Variants in S100A9 observed in about 807,000 individuals in gnomAD.
S100A9 encodes S100 calcium binding protein A9, also known as protein S100-A9.
S100A9 carries 2 observed loss-of-function variants against 4.3 expected under a neutral mutation model. That is an observed-to-expected ratio of 0.47 (90% confidence interval 0.19 to 1.48). S100A9 has a LOEUF of 1.48. Ranked by LOEUF, S100A9 falls within the 40% of genes most tolerant of loss-of-function variation. The pLI, the probability that S100A9 is intolerant of heterozygous loss-of-function variation, is 0.24. For missense variants in S100A9, 130 were observed against 144.4 expected (o/e 0.90, Z 0.51); for synonymous variants, 67 against 54.0 (o/e 1.24, Z -1.06).
chr1:153,360,759 C>A lies in S100A9; in HGVS notation c.266C>A (p.Ala89Asp), dbSNP rs1258707629. 1.9e-6 allele frequency: 3 copies of A among 1,614,102 alleles called. No homozygotes were observed. Among genetic ancestry groups the A allele is most frequent in the Non-Finnish European group, 2.5e-6 (3 of 1,179,964 alleles). ...FIMLMARLTW[A>D]SHEKMHEGDE... ...ATGCTGATGGCGAGGCTAACCTGGG[C>A]CTCCCACGAGAAGATGCACGAGGGT... The change falls in exon 3 of 3, where the codon GCC becomes GAC. Residue 89 changes from alanine to aspartate, a missense_variant. Ala to Asp is a moderately radical substitution (Grantham distance 126). Coordinates refer to ENST00000368738, the MANE Select transcript of S100A9 (RefSeq NM_002965.4).
intron 2 of S100A9, 73 bp downstream of exon 2, chr1:153,358,506 G>T (rs2916195): frequency 8.2e-7 from 1 of 1,222,584 alleles, no homozygotes; most frequent in Non-Finnish European, 1.1e-6. Flanking sequence ...TGGGAGTATG[G>T]GCTACAGCAA....
chr1:153,358,502 T>G, intron 2 of S100A9, 69 bp downstream of exon 2: 3 of 1,270,766 alleles, frequency 2.4e-6, no homozygotes, highest in Non-Finnish European at 3.2e-6. Context: ...AGGATGGGAG[T>G]ATGGGCTACA....
Position 153,360,702 on chromosome 1 carries a change from C to T in S100A9, c.209C>T (p.Ala70Val), listed in dbSNP as rs1261245097. The T allele has an allele frequency of 6.2e-7, 1 of 1,613,972 alleles. No homozygotes were observed. The highest frequency in any genetic ancestry group is 8.5e-7 in the Non-Finnish European group (1 of 1,179,864). The change falls in exon 3 of 3, where the codon GCA becomes GTA. Residue 70 changes from alanine (A) to valine (V), a missense_variant. Coordinates refer to ENST00000368738, the MANE Select transcript of S100A9 (RefSeq NM_002965.4). ...EHIMEDLDTN[A>V]DKQLSFEEFI... is the part of the protein sequence containing the mutation. Reference sequence around the variant, plus strand: ...ATCATGGAGGACCTGGACACAAATGCAGACAAGCAGCTGAGCTTCGAGGAG... The same window carrying T: ...ATCATGGAGGACCTGGACACAAATGTAGACAAGCAGCTGAGCTTCGAGGAG...
rs1335265922 is a variant in S100A9, at chr1:153,360,747, G to A, written c.254G>A (p.Arg85Lys). Residue 85 changes from arginine (R) to lysine (K), a missense_variant, in exon 3 of 3, where the codon AGG becomes AAG. Coordinates refer to ENST00000368738, the MANE Select transcript of S100A9 (RefSeq NM_002965.4). ...SFEEFIMLMARLTWASHEKMH... is the reference protein window; with the variant it reads ...SFEEFIMLMAKLTWASHEKMH... Reference sequence around the variant, plus strand: ...GAGGAGTTCATCATGCTGATGGCGAGGCTAACCTGGGCCTCCCACGAGAAG... The same window carrying A: ...GAGGAGTTCATCATGCTGATGGCGAAGCTAACCTGGGCCTCCCACGAGAAG... 6.2e-7 allele frequency: 1 copy of A among 1,614,170 alleles called. No individual in the cohort carries two copies. Among genetic ancestry groups the A allele is most frequent in the Non-Finnish European group, 8.5e-7 (1 of 1,180,000 alleles).
chr1:153,360,256 A>AT (rs1485046564), intron 2 of S100A9, among the ~76,000 whole-genome samples: 1 of 152,154 alleles, frequency 6.6e-6, no homozygotes, highest in Non-Finnish European at 1.5e-5. Flanking sequence ...GTGAAAACTA[A>AT]TGACCCTCTC....
chr1:153,360,859 C>A lies in S100A9; in HGVS notation c.*21C>A. 1 of 1,550,978 alleles carries A rather than the reference C, an allele frequency of 6.4e-7. No homozygotes were observed. The highest frequency in any genetic ancestry group is 8.8e-7 in the Non-Finnish European group (1 of 1,142,468). The stretch of plus-strand genomic sequence containing the variant: ...CCTAAGACCACAGTGGCCAAGATCA[C>A]AGTGGCCACGGCCACGGCCACAGTC... On this transcript the variant is annotated 3_prime_UTR_variant, in exon 3 of 3. Transcript: ENST00000368738.
At chr1:153,358,548 G>A (rs1016756026) in intron 2 of S100A9, 115 bp downstream of exon 2, 31 of 797,666 alleles carry the variant, frequency 3.9e-5, no homozygotes, top group Non-Finnish European at 5.1e-5. Flanking sequence ...CTGGAGCCCA[G>A]CCCCAAGACG....
intron 2 of S100A9, among the ~76,000 whole-genome samples, chr1:153,360,212 A>G (rs936506838): frequency 6.6e-6 from 1 of 152,202 alleles, no homozygotes; most frequent in Non-Finnish European, 1.5e-5. Flanking sequence ...CCTCTAAGTC[A>G]GATCTGAATT....
intron 2 of S100A9, 62 bp from the exon 3 acceptor site, chr1:153,360,582 G>A: frequency 9.0e-7 from 1 of 1,114,810 alleles, no homozygotes; most frequent in Middle Eastern, 2.0e-4. Context: ...GTCATTTACT[G>A]TGCTCCCAGT....
At chr1:153,359,259 C>T (rs900045354) in intron 2 of S100A9, among the ~76,000 whole-genome samples, 2 of 152,074 alleles carry the variant, frequency 1.3e-5, no homozygotes, top group Admixed American at 1.3e-4. Flanking sequence ...GGGTAGGTCC[C>T]CAGCCCTCCC....
chr1:153,359,492 T>C (rs1335663844), intron 2 of S100A9, among the ~76,000 whole-genome samples: 14 of 151,184 alleles, frequency 9.3e-5, no homozygotes, highest in Admixed American at 8.6e-4. Flanking sequence ...AAAGCGATGC[T>C]GTGGGAAAGG....
At chr1:153,358,512 A>G in intron 2 of S100A9, 79 bp downstream of exon 2, 1 of 1,182,552 alleles carries the variant, frequency 8.5e-7, no homozygotes. Flanking sequence ...TATGGGCTAC[A>G]GCAATCAAGG....
chr1:153,358,158 T>C, intron 1 of S100A9, 111 bp from the exon 2 acceptor site: 1 of 659,792 alleles, frequency 1.5e-6, no homozygotes, highest in Non-Finnish European at 2.5e-6. Flanking sequence ...TGTGCTTTCT[T>C]TTTATTTTGC....
At position 153,360,912 on chromosome 1, in the gene S100A9, C is replaced by CAGG; in HGVS notation, c.*78_*80dup. The CAGG allele has an allele frequency of 8.2e-7, 1 of 1,215,060 alleles. No homozygotes were observed. The highest frequency in any genetic ancestry group is 1.6e-5 in the South Asian group (1 of 64,286). 75.3% of individuals were successfully genotyped at this position (1,215,060 alleles called of 1,614,324 possible). On this transcript the variant is annotated 3_prime_UTR_variant, in exon 3 of 3. Coordinates refer to ENST00000368738, the MANE Select transcript of S100A9 (RefSeq NM_002965.4). The stretch of plus-strand genomic sequence containing the variant: ...GGTGGCCACGGCCACAGCCACTAAT[C>CAGG]AGGAGGCCAGGCCACCCTGCCTCTA...
intron 2 of S100A9, among the ~76,000 whole-genome samples, chr1:153,359,680 C>CT (rs34039196): frequency 0.032 from 2,648 of 83,890 alleles, 33 homozygotes; most frequent in Non-Finnish European, 0.041. Context: ...GATGTCTCTC[C>CT]TTTTTTTTTT....
chr1:153,359,098 T>C (rs960571691), intron 2 of S100A9, among the ~76,000 whole-genome samples: 4 of 152,058 alleles, frequency 2.6e-5, no homozygotes, highest in African/African-American at 9.7e-5. Flanking sequence ...CAAAAATGAT[T>C]AGGCAGTTCT....
chr1:153,360,565 C>T, intron 2 of S100A9, 79 bp from the exon 3 acceptor site: 1 of 939,394 alleles, frequency 1.1e-6, no homozygotes, highest in Non-Finnish European at 1.7e-6. Flanking sequence ...TGTACATTTG[C>T]CAGCTGGTCA....
chr1:153,357,999 T>C (rs2101592295), intron 1 of S100A9, 118 bp downstream of exon 1: 1 of 230,582 alleles, frequency 4.3e-6, no homozygotes, highest in South Asian at 1.5e-4. Flanking sequence ...TGGCCCTGCC[T>C]ACTTTAAAGC....
chr1:153,360,830 A>AC lies in S100A9; in HGVS notation c.342dup (p.Ter115LeufsTer58). 6.3e-7 allele frequency: 1 copy of AC among 1,598,744 alleles called. No individual in the cohort carries two copies. Among genetic ancestry groups the AC allele is most frequent in the Non-Finnish European group, 8.5e-7 (1 of 1,171,690 alleles). Reference sequence around the variant, plus strand: ...CCATAAGCCAGGCCTCGGGGAGGGCACCCCCTAAGACCACAGTGGCCAAGA... The same window carrying AC: ...CCATAAGCCAGGCCTCGGGGAGGGCACCCCCCTAAGACCACAGTGGCCAAGA... On this transcript the variant is annotated frameshift_variant, in exon 3 of 3. Coordinates refer to ENST00000368738, the MANE Select transcript of S100A9 (RefSeq NM_002965.4). LOFTEE classifies it high-confidence loss of function.
Sources: allele counts gnomAD v4.1 joint callset (sites outside exome capture counted in the v4.1 genomes callset), GRCh38; gene constraint gnomAD v4.1.1; transcripts MANE v1.5; gene names NCBI Gene and HGNC (gene_info 2026-07-23, HGNC 2026-07-21).